PLSCR2: variants seen among roughly 807,000 people sequenced by gnomAD.
PLSCR2 encodes PL scramblase 2.
A neutral mutation model predicts 25.3 loss-of-function variants in PLSCR2; 18 were observed. The observed-to-expected ratio is 0.71, with a 90% CI of 0.49 to 1.06. The LOEUF is 1.06. Ranked by LOEUF, PLSCR2 falls within the 50% of genes least tolerant of loss-of-function variation. The pLI is 0.00. For synonymous variants in PLSCR2, 88 were observed against 87.3 expected, an observed-to-expected ratio of 1.01 and a Z score of -0.04; for missense variants, 243 against 269.5, an observed-to-expected ratio of 0.90 and a Z score of 0.69.
chr3:146,484,061 G>A (rs986628788), intron 1 of PLSCR2, among the ~76,000 whole-genome samples: 1 of 151,792 alleles, frequency 6.6e-6, no homozygotes, highest in Non-Finnish European at 1.5e-5. Context: ...TATAGGAGCT[G>A]CTAACTGGAA....
downstream of PLSCR2, among the ~76,000 whole-genome samples, chr3:146,440,861 C>G (rs1351899920): frequency 6.6e-6 from 1 of 152,042 alleles, no homozygotes; most frequent in Non-Finnish European, 1.5e-5. Flanking sequence ...AACCTAAGAC[C>G]ACTAATGAAG....
At chr3:146,485,384 A>C (rs921793871) in intron 1 of PLSCR2, among the ~76,000 whole-genome samples, 2 of 152,132 alleles carry the variant, frequency 1.3e-5, no homozygotes, top group Non-Finnish European at 2.9e-5. Context: ...AATATTAGAC[A>C]GATCATCAAA....
downstream of PLSCR2, among the ~76,000 whole-genome samples, chr3:146,439,215 C>A (rs950502029): frequency 1.3e-5 from 2 of 152,178 alleles, no homozygotes; most frequent in African/African-American, 4.8e-5. Flanking sequence ...ACATTTTTTC[C>A]TTCATTTCAA....
chr3:146,408,281 C>G (rs1298272353), intron 2 of PLSCR2, among the ~76,000 whole-genome samples: 1 of 152,122 alleles, frequency 6.6e-6, no homozygotes, highest in Non-Finnish European at 1.5e-5. Context: ...GCCTTTTTAG[C>G]AACTCCTTGG....
chr3:146,409,792 A>G (rs778272386), intron 2 of PLSCR2, among the ~76,000 whole-genome samples: 2 of 152,118 alleles, frequency 1.3e-5, no homozygotes, highest in African/African-American at 2.4e-5. Flanking sequence ...TTTAAAAGGC[A>G]ATTTAACAGA....
intron 1 of PLSCR2, among the ~76,000 whole-genome samples, chr3:146,489,723 C>G (rs1385693613): frequency 6.6e-6 from 1 of 152,086 alleles, no homozygotes; most frequent in Non-Finnish European, 1.5e-5. Context: ...TTCTAATCTT[C>G]TGACCTTGTG....
At chr3:146,454,813 C>A (rs1172461270) in intron 4 of PLSCR2, among the ~76,000 whole-genome samples, 3 of 152,160 alleles carry the variant, frequency 2.0e-5, no homozygotes, top group Admixed American at 6.6e-5. Flanking sequence ...TTGTCCCTTA[C>A]TAGGTTGGCC....
intron 2 of PLSCR2, among the ~76,000 whole-genome samples, chr3:146,403,970 G>A (rs1291122623): frequency 6.6e-6 from 1 of 151,844 alleles, no homozygotes; most frequent in Non-Finnish European, 1.5e-5. Context: ...GACTCATTCC[G>A]ATTACCTACT....
chr3:146,489,536 A>G (rs1430812476), intron 1 of PLSCR2, among the ~76,000 whole-genome samples: 4 of 152,032 alleles, frequency 2.6e-5, no homozygotes. Context: ...CTTGGCTGCT[A>G]GTTTTCACAT....
chr3:146,482,842 T>C (rs1374561743), intron 1 of PLSCR2, among the ~76,000 whole-genome samples: 1 of 152,134 alleles, frequency 6.6e-6, no homozygotes, highest in Non-Finnish European at 1.5e-5. Flanking sequence ...CCATCAGTGA[T>C]AGACTGGATT....
intron 1 of PLSCR2, among the ~76,000 whole-genome samples, chr3:146,480,784 A>T (rs2043103105): frequency 6.6e-6 from 1 of 151,868 alleles, no homozygotes; most frequent in South Asian, 2.1e-4. Context: ...CAACAAAAAA[A>T]GAAAATTTTA....
upstream of PLSCR2, among the ~76,000 whole-genome samples, chr3:146,462,468 CT>C (rs35843946): frequency 0.015 from 2,224 of 144,952 alleles, 95 homozygotes; most frequent in East Asian, 0.15. Flanking sequence ...TCTTTTCTTT[CT>C]TTTTTTTTTT....
intron 2 of PLSCR2, among the ~76,000 whole-genome samples, chr3:146,422,883 C>T (rs147248494): frequency 9.0e-4 from 137 of 151,996 alleles, no homozygotes; most frequent in African/African-American, 3.2e-3. Context: ...TAGGGGTAAA[C>T]CTGGTATAAT....
chr3:146,432,809 A>C (rs896354060), downstream of PLSCR2, among the ~76,000 whole-genome samples: 1 of 152,182 alleles, frequency 6.6e-6, no homozygotes, highest in African/African-American at 2.4e-5. Context: ...TCTTCCATAT[A>C]CTAGCCATGT....
chr3:146,480,042 A>G (rs1159898501), intron 1 of PLSCR2, among the ~76,000 whole-genome samples: 1 of 152,222 alleles, frequency 6.6e-6, no homozygotes. Flanking sequence ...AACCAATGAG[A>G]ACAAAGACAA....
rs1051815105 is a variant in PLSCR2 at position 146,467,110 on chromosome 3, G to A, written c.-292-6826C>T. Among the ~76,000 whole-genome samples the A allele has an allele frequency of 3.3e-5, 5 of 152,150 alleles. No individual in the cohort carries two copies. In the South Asian group the frequency reaches 1.0e-3, roughly 32 times the overall value. On this transcript the variant is annotated intron_variant, in intron 1 of 8. Coordinates refer to the PLSCR2 transcript ENST00000336685. ...TTCAAGGCAGTGCTATAGAGTGTGT[G>A]TACAGGTACACATATGTGTACATAC...
At chr3:146,404,851 G>A (rs1466325239) in intron 2 of PLSCR2, among the ~76,000 whole-genome samples, 1 of 149,388 alleles carries the variant, frequency 6.7e-6, no homozygotes, top group African/African-American at 2.5e-5. Flanking sequence ...CTGGTCCCAG[G>A]TAAGTCCAAA....
chr3:146,476,924 C>G (rs1269785149), intron 1 of PLSCR2, among the ~76,000 whole-genome samples: 1 of 152,230 alleles, frequency 6.6e-6, no homozygotes, highest in Non-Finnish European at 1.5e-5. Context: ...TAGTCTTTCC[C>G]CCTGGTAGCT....
chr3:146,450,856 A>C (rs1009017624), intron 5 of PLSCR2, among the ~76,000 whole-genome samples: 3 of 152,120 alleles, frequency 2.0e-5, no homozygotes, highest in Admixed American at 2.0e-4. Context: ...TAAAAAATTC[A>C]CCAAATTTAT....
Sources: gnomAD v4.1 joint callset for allele counts (sites outside exome capture counted in the v4.1 genomes callset) on GRCh38, gnomAD v4.1.1 for gene constraint, MANE v1.5 for transcripts, NCBI Gene and HGNC (gene_info 2026-07-23, HGNC 2026-07-21) for gene names.